FAM81B: variants seen among roughly 807,000 people sequenced by gnomAD.
The protein encoded by FAM81B is family with sequence similarity 81 member B, also known as protein FAM81B.
A neutral mutation model predicts 58.7 loss-of-function variants in FAM81B; 60 were observed. That is an observed-to-expected ratio of 1.02 (90% CI 0.83 to 1.27). FAM81B has a LOEUF of 1.27. Ranked by LOEUF, FAM81B falls within the 50% of genes most tolerant of loss-of-function variation. FAM81B has a pLI of 0.00. For synonymous variants in FAM81B, 189 were observed against 179.6 expected, an observed-to-expected ratio of 1.05 and a Z score of -0.42; for missense variants, 491 against 522.0, an observed-to-expected ratio of 0.94 and a Z score of 0.58.
chr5:95,440,346 A>T, intron 7 of FAM81B: 1 of 883,138 alleles, frequency 1.1e-6, no homozygotes, highest in Non-Finnish European at 1.9e-6. Flanking sequence ...GGATGTAAAT[A>T]ATCCTGATGT....
At chr5:95,423,503 C>A (rs184328789) in intron 5 of FAM81B, among the ~76,000 whole-genome samples, 1 of 149,492 alleles carries the variant, frequency 6.7e-6, no homozygotes, top group Non-Finnish European at 1.5e-5. Flanking sequence ...AACTCTCTAG[C>A]CCCATTTGGC....
intron 3 of FAM81B, among the ~76,000 whole-genome samples, chr5:95,411,063 T>C (rs750115188): frequency 2.6e-5 from 4 of 152,166 alleles, no homozygotes; most frequent in Non-Finnish European, 5.9e-5. Context: ...CTCAGTTATA[T>C]AGATTTGAAG....
At chr5:95,429,765 T>C (rs1431331184) in intron 6 of FAM81B, among the ~76,000 whole-genome samples, 1 of 152,238 alleles carries the variant, frequency 6.6e-6, no homozygotes, top group East Asian at 1.9e-4. Flanking sequence ...AAAGTGGTCA[T>C]AGAAGGCAAC....
chr5:95,416,102 T>C (rs1762531912), intron 4 of FAM81B, among the ~76,000 whole-genome samples: 1 of 152,212 alleles, frequency 6.6e-6, no homozygotes, highest in African/African-American at 2.4e-5. Flanking sequence ...AAAATTGAAC[T>C]AGAAAATATT....
Position 95,438,057 on chromosome 5 carries a change from C to T in FAM81B, c.893+1151C>T, listed in dbSNP as rs550233334. Among the ~76,000 whole-genome samples, 30 of 152,154 alleles carry T rather than the reference C, an allele frequency of 2.0e-4. No individual in the cohort carries two copies. In the South Asian group the frequency reaches 6.0e-3, roughly 31 times the overall value. Reference sequence around the variant, plus strand: ...TAAGACATGAAGCTAACAATTAAACCGTAGCATATCATCATTTTAAGATAT... The same window carrying T: ...TAAGACATGAAGCTAACAATTAAACTGTAGCATATCATCATTTTAAGATAT... On this transcript the variant is annotated intron_variant, in intron 7 of 9. Transcript: ENST00000283357.
chr5:95,412,696 C>G (rs1561297205), intron 3 of FAM81B, among the ~76,000 whole-genome samples: 2 of 152,126 alleles, frequency 1.3e-5, no homozygotes, highest in African/African-American at 2.4e-5. Flanking sequence ...TACTAAAATC[C>G]ATTTTCTTCT....
At chr5:95,429,295 T>C (rs1187621620) in intron 6 of FAM81B, among the ~76,000 whole-genome samples, 1 of 152,200 alleles carries the variant, frequency 6.6e-6, no homozygotes, top group East Asian at 1.9e-4. Context: ...CATCTTCCTC[T>C]AGTTTGTGCT....
chr5:95,396,592 T>C (rs1455407463), intron 3 of FAM81B: 2 of 155,664 alleles, frequency 1.3e-5, no homozygotes, highest in African/African-American at 4.8e-5. Flanking sequence ...ATGTTGTTTC[T>C]GCTATTTACA....
rs764441237 is a variant in FAM81B, at chr5:95,391,450, T to C, written c.61T>C (p.Leu21=). The change falls in exon 1 of 10, where the codon TTG becomes CTG. Residue 21 remains leucine (L), a synonymous_variant. Transcript: ENST00000283357. The part of the protein sequence containing the change: ...SSEKRKKSQR[L]FFKNIKSTKN... The stretch of plus-strand genomic sequence containing the variant: ...AGAAAAAAGAAAAAAATCACAGAGA[T>C]TGTTTTTCAAAAATATCAAATCTAC... 9 of 1,613,722 alleles carry C rather than the reference T, an allele frequency of 5.6e-6. No individual in the cohort carries two copies. Among genetic ancestry groups the C allele is most frequent in the East Asian group, 4.5e-5 (2 of 44,878 alleles).
chr5:95,427,892 T>A (rs1413640471), intron 5 of FAM81B, among the ~76,000 whole-genome samples: 4 of 152,174 alleles, frequency 2.6e-5, no homozygotes, highest in Admixed American at 2.6e-4. Context: ...GTGTGTTATC[T>A]TTCCTAACAT....
rs564912643 is a variant in FAM81B, at chr5:95,409,453, CT to C, written c.294-4493del. On this transcript the variant is annotated intron_variant, in intron 3 of 9. Transcript: ENST00000283357. Reference sequence around the variant, plus strand: ...GGATTACAGGTGTGAGCCACCACGCCTGGCCTGTCATCAGTTTTTAAAGAAT... The same window carrying C: ...GGATTACAGGTGTGAGCCACCACGCCGGCCTGTCATCAGTTTTTAAAGAAT... Among the ~76,000 whole-genome samples the C allele has an allele frequency of 4.0e-3, 453 of 112,922 alleles. 3 individuals carry two copies. The highest frequency in any genetic ancestry group is 0.014 in the African/African-American group (428 of 31,248). 74.1% of individuals were successfully genotyped at this position (112,922 alleles called of 152,430 possible). A position where few individuals can be genotyped will look rare whatever the true frequency, so the allele number is the denominator to read the frequency against.
At chr5:95,409,828 ACAAC>A (rs550791525) in intron 3 of FAM81B, among the ~76,000 whole-genome samples, 87 of 152,314 alleles carry the variant, frequency 5.7e-4, no homozygotes, top group Admixed American at 9.1e-4. Context: ...CAGAAAGCAA[ACAAC>A]CAACAGGGAA....
chr5:95,442,839 T>C (rs1001306862), intron 7 of FAM81B, among the ~76,000 whole-genome samples: 4 of 152,228 alleles, frequency 2.6e-5, no homozygotes, highest in African/African-American at 4.8e-5. Flanking sequence ...TGGTTTCTAA[T>C]ATGAAACTTA....
chr5:95,401,351 C>T (rs927658779), intron 3 of FAM81B, among the ~76,000 whole-genome samples: 1 of 152,130 alleles, frequency 6.6e-6, no homozygotes, highest in Admixed American at 6.5e-5. Flanking sequence ...TGGTGTACTT[C>T]CTTCTGCACT....
intron 3 of FAM81B, among the ~76,000 whole-genome samples, chr5:95,407,864 C>T (rs78755604): frequency 0.021 from 3,172 of 152,284 alleles, 116 homozygotes; most frequent in African/African-American, 0.073. Flanking sequence ...TTATCCATTG[C>T]TGTGTAGCAA....
rs573804884 is a variant in FAM81B at position 95,393,478 on chromosome 5, G to A, written c.228+581G>A. Among the ~76,000 whole-genome samples the A allele has an allele frequency of 1.0e-3, 134 of 133,772 alleles. 2 individuals carry two copies. Among genetic ancestry groups the A allele is most frequent in the South Asian group, 6.8e-3 (27 of 3,996 alleles). The allele number at this position is 133,772 out of a possible 152,430, so 87.8% of individuals were successfully genotyped here. A position where few individuals can be genotyped will look rare whatever the true frequency, so the allele number is the denominator to read the frequency against. On this transcript the variant is annotated intron_variant, in intron 2 of 9. Transcript: ENST00000283357. The stretch of plus-strand genomic sequence containing the variant: ...ACTTTGGAATGATTACTTAACCTCT[G>A]TTTCTTCTTCTGTAAAATGGGTGAA...
At chr5:95,423,638 T>C (rs1294372122) in intron 5 of FAM81B, among the ~76,000 whole-genome samples, 2 of 152,042 alleles carry the variant, frequency 1.3e-5, no homozygotes, top group African/African-American at 4.8e-5. Flanking sequence ...ATGTGGATAT[T>C]ATGACAGGCC....
chr5:95,395,256 G>T (rs1761933381), intron 2 of FAM81B, among the ~76,000 whole-genome samples: 1 of 151,870 alleles, frequency 6.6e-6, no homozygotes, highest in Non-Finnish European at 1.5e-5. Context: ...TGGCTAACAT[G>T]GTAAAACCCC....
At chr5:95,447,118 T>C (rs748273297) in intron 8 of FAM81B, among the ~76,000 whole-genome samples, 1 of 152,162 alleles carries the variant, frequency 6.6e-6, no homozygotes, top group Non-Finnish European at 1.5e-5. Flanking sequence ...AACTCTTTTT[T>C]TCAGATCAGA....
Sources: gnomAD v4.1 joint callset for allele counts (sites outside exome capture counted in the v4.1 genomes callset) on GRCh38, gnomAD v4.1.1 for gene constraint, MANE v1.5 for transcripts, NCBI Gene and HGNC (gene_info 2026-07-23, HGNC 2026-07-21) for gene names.